NTRK1: variants seen among roughly 807,000 people sequenced by gnomAD.
The protein encoded by NTRK1 is neurotrophic receptor tyrosine kinase 1, also known as high affinity nerve growth factor receptor.
Under a neutral mutation model 86.8 loss-of-function variants are expected in NTRK1, and 62 were observed. The observed-to-expected ratio is 0.71, with a 90% CI of 0.58 to 0.88. The LOEUF is 0.88. Ranked by LOEUF, NTRK1 falls within the 40% of genes least tolerant of loss-of-function variation. The pLI, the probability that NTRK1 is intolerant of heterozygous loss-of-function variation, is 0.00. For missense variants in NTRK1, 967 were observed against 1,078.4 expected, an observed-to-expected ratio of 0.90 and a Z score of 1.45; for synonymous variants, 469 against 456.6, an observed-to-expected ratio of 1.03 and a Z score of -0.35.
In NTRK1 at chr1:156,880,165, C is replaced by T. The variant is rs916696879; in HGVS notation, c.2205+8C>T. The stretch of plus-strand genomic sequence containing the variant: ...CAGCTCTCCAACACGGAGGTCAGCC[C>T]CGGCCCATGGTCACCCCTTGCTGGC... On this transcript the variant is annotated splice_region_variant and intron_variant, in intron 16 of 16. Transcript: ENST00000524377. 2.5e-6 allele frequency: 4 copies of T among 1,612,718 alleles called. No homozygotes were observed. The African/African-American group carries it at 4.0e-5, about 16-fold the overall frequency.
At chr1:156,850,237 A>G (rs1447299661) in intron 2 of NTRK1, among the ~76,000 whole-genome samples, 1 of 151,702 alleles carries the variant, frequency 6.6e-6, no homozygotes, top group Admixed American at 6.6e-5. Context: ...TTTGAGCTGG[A>G]GTCTCCCTCT....
In NTRK1 at chr1:156,876,222, C is replaced by G. The variant is rs1236188096; in HGVS notation, c.1632+12C>G. On this transcript the variant is annotated intron_variant, in intron 13 of 16. Coordinates refer to ENST00000524377, the MANE Select transcript of NTRK1 (RefSeq NM_002529.4). ...TGGTGGCTGTCAAGGTGAGACCCTG[C>G]CCCGGGGGGTACTGCTGGCCTGGGT... The G allele has an allele frequency of 1.5e-5, 24 of 1,613,634 alleles. No individual in the cohort carries two copies. The highest frequency in any genetic ancestry group is 2.0e-5 in the Non-Finnish European group (24 of 1,180,004).
chr1:156,846,815 C>T (rs1558087228), intron 2 of NTRK1: 9 of 1,393,960 alleles, frequency 6.5e-6, no homozygotes, highest in Non-Finnish European at 7.1e-6. Flanking sequence ...AGTTCTGGCA[C>T]CCCCGCTCTG....
intron 6 of NTRK1, 99 bp downstream of exon 6, chr1:156,868,746 A>C: frequency 1.3e-6 from 2 of 1,492,870 alleles, no homozygotes; most frequent in Non-Finnish European, 1.8e-6. Flanking sequence ...AGAGACAACG[A>C]ATAAGGAGCA....
chr1:156,868,206 T>C lies in NTRK1; in HGVS notation c.531T>C (p.Cys177=), dbSNP rs1057523619. The C allele has an allele frequency of 2.2e-5, 36 of 1,612,902 alleles. No homozygotes were observed. The highest frequency in any genetic ancestry group is 3.0e-5 in the Non-Finnish European group (35 of 1,180,032). The change falls in exon 5 of 17, where the codon TGT becomes TGC. Residue 177 remains cysteine, a synonymous_variant. Transcript: ENST00000524377. ...LGGVPEQKLQ[C]HGQGPLAHMP... is the part of the protein sequence containing the mutation. ...GAGTGCCTGAACAGAAGCTGCAGTG[T>C]CATGGGCAAGGGCCCCTGGCCCACA...
chr1:156,831,873 G>A (rs1654474980), intron 1 of NTRK1, among the ~76,000 whole-genome samples: 1 of 152,210 alleles, frequency 6.6e-6, no homozygotes, highest in South Asian at 2.1e-4. Flanking sequence ...CTCCATCGTG[G>A]CTGAGTATAG....
intron 2 of NTRK1, chr1:156,849,000 G>T: frequency 6.2e-7 from 1 of 1,613,048 alleles, no homozygotes; most frequent in Non-Finnish European, 8.5e-7. Context: ...AGCAGGATGC[G>T]GTCTGCCTCC....
At position 156,842,047 on chromosome 1, in the gene NTRK1, A is replaced by G. The variant is rs1365849970; in HGVS notation, c.-63-34A>G. 12 of 1,603,670 alleles carry G rather than the reference A, an allele frequency of 7.5e-6. No homozygotes were observed. The Admixed American group carries it at 1.5e-4, about 21-fold the overall frequency. ...CAGGACCAGGGCTGTGGGTCTCCTG[A>G]TGCCTAGCTTAAGGGAGTCTCTCTA... is the stretch of plus-strand genomic sequence containing the variant. On this transcript the variant is annotated intron_variant, in intron 1 of 16. Transcript: ENST00000392302.
At chr1:156,851,470 G>A (rs1037380011) in intron 2 of NTRK1, 2 of 1,613,466 alleles carry the variant, frequency 1.2e-6, no homozygotes, top group African/African-American at 1.3e-5. Context: ...GTAGGAGCAA[G>A]GAAGGTGATG....
intron 5 of NTRK1, 82 bp from the exon 6 acceptor site, chr1:156,868,423 G>A (rs1156440185): frequency 1.6e-5 from 24 of 1,544,720 alleles, no homozygotes; most frequent in Non-Finnish European, 2.0e-5. Context: ...GGAGGGTGGG[G>A]GAAGGAGCAG....
At chr1:156,824,268 T>A (rs150917418) in intron 1 of NTRK1, among the ~76,000 whole-genome samples, 2 of 152,114 alleles carry the variant, frequency 1.3e-5, no homozygotes, top group Non-Finnish European at 2.9e-5. Context: ...CCTGGCAGGG[T>A]TCTCCTTTAC....
rs777913530 is a variant in NTRK1 at position 156,861,031 on chromosome 1, G to T, written c.97G>T (p.Ala33Ser). The T allele has an allele frequency of 2.6e-6, 4 of 1,545,098 alleles. No individual in the cohort carries two copies. The highest frequency in any genetic ancestry group is 2.7e-5 in the African/African-American group (2 of 73,470). ...TTGGCTGATACTGGCATCTGCGGGC[G>T]CCGCACCCTGCCCCGATGCCTGCTG... ...LAWLILASAG[A>S]APCPDACCPH... Residue 33 changes from alanine (A) to serine (S), a missense_variant, in exon 1 of 17, where the codon GCC (alanine) becomes TCC (serine). By Grantham distance (99) the Ala-to-Ser change is moderately conservative. Transcript: ENST00000524377.
At chr1:156,876,594 G>T in intron 14 of NTRK1, 22 bp downstream of exon 14, 1 of 1,600,324 alleles carries the variant, frequency 6.2e-7, no homozygotes, top group Non-Finnish European at 8.5e-7. Context: ...TGGCCTCAGC[G>T]CTGGCCCCGG....
chr1:156,879,331 G>T lies in NTRK1; in HGVS notation c.2015G>T (p.Ser672Ile), dbSNP rs1558108205. The T allele has an allele frequency of 6.2e-7, 1 of 1,610,594 alleles. No individual in the cohort carries two copies. The highest frequency in any genetic ancestry group is 8.5e-7 in the Non-Finnish European group (1 of 1,180,010). The part of the protein sequence containing the change: ...LVVKIGDFGM[S>I]RDIYSTDYYR... ...GTCAAGATTGGTGATTTTGGCATGA[G>T]CAGGGATATCTACAGCACCGACTAT... The change falls in exon 15 of 17, where the codon AGC (serine) becomes ATC (isoleucine). Residue 672 changes from serine to isoleucine, a missense_variant. Around this residue, in one of 2 missense-constraint regions of NTRK1, gnomAD observed 637 missense variants for 776.5 expected, o/e 0.82. Transcript: ENST00000524377.
At chr1:156,826,969 C>T (rs894772679) in intron 1 of NTRK1, among the ~76,000 whole-genome samples, 5 of 152,204 alleles carry the variant, frequency 3.3e-5, no homozygotes, top group Admixed American at 1.3e-4. Flanking sequence ...TTAGTAAACA[C>T]GGATTCTATG....
intron 2 of NTRK1, among the ~76,000 whole-genome samples, chr1:156,847,674 G>A (rs550303453): frequency 1.1e-3 from 174 of 152,142 alleles, no homozygotes; most frequent in African/African-American, 4.0e-3. Context: ...AGGTTGGGGG[G>A]GTGGGGGCTC....
chr1:156,838,296 CACAGGG>C (rs1654649124), intron 1 of NTRK1, among the ~76,000 whole-genome samples: 1 of 152,058 alleles, frequency 6.6e-6, no homozygotes, highest in South Asian at 2.1e-4. Context: ...GCCACAAGGC[CACAGGG>C]ACAGTTTTGA....
chr1:156,869,343 G>T (rs1647406969), intron 6 of NTRK1, among the ~76,000 whole-genome samples: 1 of 152,070 alleles, frequency 6.6e-6, no homozygotes, highest in South Asian at 2.1e-4. Context: ...CTCCCAAAGT[G>T]CTGGGATTAC....
At chr1:156,861,712 G>A (rs991063765) in intron 1 of NTRK1, among the ~76,000 whole-genome samples, 1 of 152,056 alleles carries the variant, frequency 6.6e-6, no homozygotes, top group African/African-American at 2.4e-5. Context: ...CCCAGAACCC[G>A]TTGATTTGGA....
Sources: gnomAD v4.1 joint callset for allele counts (sites outside exome capture counted in the v4.1 genomes callset) on GRCh38, gnomAD v4.1.1 for gene constraint, gnomAD v4.1.1 regional missense constraint, MANE v1.5 for transcripts, NCBI Gene and HGNC (gene_info 2026-07-23, HGNC 2026-07-21) for gene names.